RABGAP1L: variants seen among roughly 807,000 people sequenced by gnomAD.
The protein encoded by RABGAP1L is rab GTPase-activating protein 1-like.
In RABGAP1L, 63 loss-of-function variants were observed where a neutral mutation model predicts 137.7. That is an observed-to-expected ratio of 0.46 (90% CI 0.37 to 0.56). The LOEUF (loss-of-function observed/expected upper bound fraction) is 0.56, where lower values mean the gene tolerates loss of function less well. Among genes scored for constraint, RABGAP1L ranks in the 20% least tolerant of loss-of-function variants. The pLI, the probability that RABGAP1L is intolerant of heterozygous loss-of-function variation, is 0.00. For synonymous variants in RABGAP1L, 431 were observed against 433.7 expected (o/e 0.99, Z 0.08); for missense variants, 1,095 against 1,244.0 (o/e 0.88, Z 1.80).
chr1:174,416,019 C>CATATATATATATATAT (rs143285036), intron 13 of RABGAP1L, among the ~76,000 whole-genome samples: 11,067 of 127,812 alleles, frequency 0.087, 719 homozygotes, highest in African/African-American at 0.098. Context: ...AGAAAATTTA[C>CATATATATATATATAT]ATATATATAT....
chr1:174,713,016 C>G (rs1470769117), intron 17 of RABGAP1L, among the ~76,000 whole-genome samples: 4 of 152,198 alleles, frequency 2.6e-5, no homozygotes, highest in Non-Finnish European at 4.4e-5. Context: ...AACAGAAATG[C>G]CTCTCCTGAT....
intron 13 of RABGAP1L, among the ~76,000 whole-genome samples, chr1:174,550,807 C>T (rs1666373129): frequency 7.1e-6 from 1 of 141,280 alleles, no homozygotes; most frequent in African/African-American, 2.7e-5. Flanking sequence ...ATCACAAGGT[C>T]TGGAGATTGA....
At chr1:174,288,738 T>C (rs1676299224) in intron 10 of RABGAP1L, among the ~76,000 whole-genome samples, 1 of 152,210 alleles carries the variant, frequency 6.6e-6, no homozygotes, top group Admixed American at 6.5e-5. Flanking sequence ...GACTGTCCTC[T>C]TCTTTTCCTA....
intron 11 of RABGAP1L, among the ~76,000 whole-genome samples, chr1:174,350,226 C>G (rs1202431150): frequency 7.4e-6 from 1 of 135,546 alleles, no homozygotes; most frequent in Admixed American, 7.0e-5. Flanking sequence ...GGGTGGCTGC[C>G]GGGCGGAGAC....
chr1:174,672,935 T>C (rs984874755), intron 14 of RABGAP1L, among the ~76,000 whole-genome samples: 7 of 152,198 alleles, frequency 4.6e-5, no homozygotes, highest in African/African-American at 1.7e-4. Flanking sequence ...TCCTAGTTCA[T>C]GGAAAAGGAA....
intron 23 of RABGAP1L, among the ~76,000 whole-genome samples, chr1:174,980,208 T>G (rs1558303154): frequency 6.6e-6 from 1 of 150,964 alleles, no homozygotes; most frequent in Non-Finnish European, 1.5e-5. Context: ...TTTAGTTCAC[T>G]AATACATTAT....
intron 17 of RABGAP1L, among the ~76,000 whole-genome samples, chr1:174,744,193 T>C (rs1683688727): frequency 1.3e-5 from 2 of 151,892 alleles, no homozygotes; most frequent in South Asian, 4.2e-4. Context: ...CATTCTTTTA[T>C]TTAGTTACTC....
chr1:174,710,799 G>A (rs915166177), intron 17 of RABGAP1L, among the ~76,000 whole-genome samples: 6 of 152,206 alleles, frequency 3.9e-5, no homozygotes, highest in Non-Finnish European at 8.8e-5. Flanking sequence ...TCATATGACA[G>A]TATCAAATTC....
intron 19 of RABGAP1L, among the ~76,000 whole-genome samples, chr1:174,863,346 A>G (rs1650619680): frequency 6.6e-6 from 1 of 151,530 alleles, no homozygotes; most frequent in African/African-American, 2.4e-5. Flanking sequence ...CTTTTCTAAC[A>G]GAATACCCTA....
intron 19 of RABGAP1L, among the ~76,000 whole-genome samples, chr1:174,919,337 T>A (rs1661436469): frequency 6.6e-6 from 1 of 152,100 alleles, no homozygotes; most frequent in Admixed American, 6.6e-5. Flanking sequence ...TTCTTTACTC[T>A]TGTGTCAGCC....
rs1672012804 is a variant in RABGAP1L, at chr1:174,990,873, G to C, written c.*872G>C. On this transcript the variant is annotated 3_prime_UTR_variant, in exon 26 of 26. Coordinates refer to ENST00000681986, the MANE Select transcript of RABGAP1L (RefSeq NM_001366446.1). The stretch of plus-strand genomic sequence containing the variant: ...CCAGGTTCAGCCATTGTGCTGAATA[G>C]AGTGGAATATAGAACCAGGGACAGA... 1 of 152,216 alleles carries C rather than the reference G, an allele frequency of 6.6e-6. No homozygotes were observed. Among genetic ancestry groups the C allele is most frequent in the Non-Finnish European group, 1.5e-5 (1 of 68,050 alleles). The allele number at this position is 152,216 out of a possible 1,614,324, so 9.4% of individuals were successfully genotyped here. A position where few individuals can be genotyped will look rare whatever the true frequency, so the allele number is the denominator to read the frequency against.
intron 13 of RABGAP1L, among the ~76,000 whole-genome samples, chr1:174,449,902 CT>C (rs1194906055): frequency 6.6e-6 from 1 of 151,930 alleles, no homozygotes; most frequent in Non-Finnish European, 1.5e-5. Context: ...TTTTTTCTCT[CT>C]TTTTCTTGAT....
intron 13 of RABGAP1L, among the ~76,000 whole-genome samples, chr1:174,559,743 GCATGACCTGGGAA>G (rs1667090546): frequency 6.6e-6 from 1 of 152,338 alleles, no homozygotes; most frequent in South Asian, 2.1e-4. Flanking sequence ...AAAGCCAAAA[GCATGACCTGGGAA>G]CAATAATGGG....
intron 17 of RABGAP1L, among the ~76,000 whole-genome samples, chr1:174,708,035 A>G (rs917158924): frequency 1.3e-5 from 2 of 152,228 alleles, no homozygotes; most frequent in African/African-American, 2.4e-5. Context: ...TTTTTAGAGT[A>G]CCAAATATGT....
At chr1:174,298,931 A>C (rs1462720283) in intron 10 of RABGAP1L, among the ~76,000 whole-genome samples, 1 of 152,230 alleles carries the variant, frequency 6.6e-6, no homozygotes, top group African/African-American at 2.4e-5. Flanking sequence ...TGGTTAGTTC[A>C]CAGGAACAAG....
chr1:174,176,741 A>AATAAAATAAAATAAAATAAAAT (rs1553248316), intron 1 of RABGAP1L, among the ~76,000 whole-genome samples: 6 of 111,778 alleles, frequency 5.4e-5, no homozygotes, highest in Non-Finnish European at 5.5e-5. Flanking sequence ...AAAAAAAAAA[A>AATAAAATAAAATAAAATAAAAT]AAAAAGGTCA....
chr1:174,795,188 C>T (rs1041785954), intron 18 of RABGAP1L, among the ~76,000 whole-genome samples: 42 of 151,974 alleles, frequency 2.8e-4, no homozygotes, highest in African/African-American at 9.7e-4. Context: ...AATATGTCAC[C>T]CCTCCCCCCC....
chr1:174,701,322 C>G (rs1015682686), intron 16 of RABGAP1L, among the ~76,000 whole-genome samples: 5 of 152,082 alleles, frequency 3.3e-5, no homozygotes, highest in African/African-American at 1.2e-4. Context: ...ATGCTGAAGA[C>G]AGATTTCTAA....
intron 12 of RABGAP1L, among the ~76,000 whole-genome samples, chr1:174,391,493 A>G (rs1409859613): frequency 6.6e-6 from 1 of 151,530 alleles, no homozygotes; most frequent in Non-Finnish European, 1.5e-5. Context: ...AGTTTTTTGT[A>G]TTTTGTTTTT....
Sources: gnomAD v4.1 joint callset for allele counts (sites outside exome capture counted in the v4.1 genomes callset) on GRCh38, gnomAD v4.1.1 for gene constraint, MANE v1.5 for transcripts, NCBI Gene and HGNC (gene_info 2026-07-23, HGNC 2026-07-21) for gene names.